PBRM1: variants seen among roughly 807,000 people sequenced by gnomAD.
The protein encoded by PBRM1 is polybromo 1, also known as protein polybromo-1.
Under a neutral mutation model 194.5 loss-of-function variants are expected in PBRM1, and 27 were observed. That is an observed-to-expected ratio of 0.14 (90% confidence interval 0.10 to 0.19). The LOEUF is 0.19. Ranked by LOEUF, PBRM1 falls within the 10% of genes least tolerant of loss-of-function variation. The probability of loss-of-function intolerance (pLI) is 1.00; values close to 1 mark genes in which losing one functional copy is unlikely to be tolerated. For synonymous variants in PBRM1, 655 were observed against 693.2 expected (o/e 0.94, Z 0.87); for missense variants, 1,466 against 2,077.2 (o/e 0.71, Z 5.72).
intron 15 of PBRM1, 24 bp downstream of exon 17, chr3:52,615,327 T>C: frequency 1.6e-6 from 2 of 1,248,056 alleles, no homozygotes; most frequent in Non-Finnish European, 2.4e-6. Context: ...CTAAACTAAA[T>C]AATGAAGTGT....
chr3:52,643,032 C>T (rs1319456057), intron 9 of PBRM1, among the ~76,000 whole-genome samples: 2 of 152,208 alleles, frequency 1.3e-5, no homozygotes, highest in Non-Finnish European at 2.9e-5. Context: ...AAGTGATTCA[C>T]CCGTATCAGC....
chr3:52,664,666 A>G (rs2096795151), intron 3 of PBRM1, among the ~76,000 whole-genome samples: 2 of 151,168 alleles, frequency 1.3e-5, no homozygotes, highest in Non-Finnish European at 3.0e-5. Flanking sequence ...CCCAGGAGGC[A>G]GAGGAAGCAG....
intron 17 of PBRM1, among the ~76,000 whole-genome samples, chr3:52,596,608 T>C (rs2093584024): frequency 1.3e-5 from 2 of 152,060 alleles, no homozygotes; most frequent in Admixed American, 1.3e-4. Context: ...CGTGTTCCCT[T>C]CTGGCTCAGG....
intron 7 of PBRM1, among the ~76,000 whole-genome samples, chr3:52,647,516 C>T (rs1336081173): frequency 2.5e-5 from 3 of 117,720 alleles, no homozygotes; most frequent in Admixed American, 9.6e-5. Flanking sequence ...CACATAAAAA[C>T]GTATATGTGA....
intron 7 of PBRM1, among the ~76,000 whole-genome samples, chr3:52,647,386 C>G (rs972968822): frequency 8.8e-5 from 11 of 124,900 alleles, no homozygotes; most frequent in African/African-American, 3.4e-4. Flanking sequence ...ATACAGTTAC[C>G]ACACATGGCC....
rs560634690 is a variant in PBRM1 at position 52,587,133 on chromosome 3, C to T, written c.3123+220G>A. Among the ~76,000 whole-genome samples, 17 of 152,144 alleles carry T rather than the reference C, an allele frequency of 1.1e-4. No individual in the cohort carries two copies. In the East Asian group the frequency reaches 3.3e-3, roughly 29 times the overall value. ...TAGCCTGGCAATATTAAAAACTTAA[C>T]CTAACTGCATTATAGCCAAATAGTG... On this transcript the variant is annotated intron_variant, in intron 19 of 29. Transcript: ENST00000296302.
At chr3:52,644,012 G>A (rs1463688877) in intron 8 of PBRM1, among the ~76,000 whole-genome samples, 3 of 151,548 alleles carry the variant, frequency 2.0e-5, no homozygotes, top group Non-Finnish European at 4.4e-5. Flanking sequence ...GAAAAGCCAG[G>A]ATGAGACTGG....
chr3:52,590,933 T>C (rs1312686854), intron 17 of PBRM1, among the ~76,000 whole-genome samples: 1 of 152,242 alleles, frequency 6.6e-6, no homozygotes, highest in Non-Finnish European at 1.5e-5. Flanking sequence ...TCATCTCTGA[T>C]TTCTTTGGGC....
chr3:52,552,465 G>A (rs1025329120), intron 27 of PBRM1, among the ~76,000 whole-genome samples: 1 of 152,120 alleles, frequency 6.6e-6, no homozygotes, highest in Non-Finnish European at 1.5e-5. Flanking sequence ...AAATAAAATA[G>A]ATATGGGGTT....
At chr3:52,550,614 C>T (rs1169795882) in exon 29 of PBRM1, 3 of 1,526,322 alleles carry the variant, frequency 2.0e-6, no homozygotes, top group Non-Finnish European at 2.6e-6. Context: ...GTGCCTGCTG[C>T]CCTGGAGGCC....
chr3:52,545,786 A>T (rs2079607801), downstream of PBRM1: 1 of 233,074 alleles, frequency 4.3e-6, no homozygotes, highest in Non-Finnish European at 8.5e-6. Context: ...TCTAAGCCAC[A>T]TTACTACAGT....
chr3:52,620,593 T>TTTAA (rs774897551), intron 13 of PBRM1, among the ~76,000 whole-genome samples: 18 of 152,196 alleles, frequency 1.2e-4, no homozygotes, highest in Non-Finnish European at 2.4e-4. Flanking sequence ...AGAGAAAGTT[T>TTTAA]TTAATTAAAT....
intron 25 of PBRM1, chr3:52,560,473 G>A (rs1054758109): frequency 1.3e-5 from 2 of 152,134 alleles, no homozygotes; most frequent in African/African-American, 2.4e-5. Context: ...GTATTCATAG[G>A]TACTACATAA....
rs569897756 is a variant in PBRM1, at chr3:52,604,099, C to T, written c.2568-367G>A. Among the ~76,000 whole-genome samples, 5 of 152,326 alleles carry T rather than the reference C, an allele frequency of 3.3e-5. No homozygotes were observed. The South Asian group carries it at 1.0e-3, about 32-fold the overall frequency. ...CTCCACAATATGTTCAACACTTACT[C>T]GTATCTATTCTTTGAATTTTTACTT... On this transcript the variant is annotated intron_variant, in intron 16 of 29. Coordinates refer to ENST00000296302, the Ensembl canonical transcript of PBRM1.
At chr3:52,607,610 G>T (rs1163416104) in intron 16 of PBRM1, among the ~76,000 whole-genome samples, 2 of 152,220 alleles carry the variant, frequency 1.3e-5, no homozygotes, top group Non-Finnish European at 2.9e-5. Flanking sequence ...AGGAGAGGAA[G>T]GGAGGGGTAT....
chr3:52,668,633 G>T, exon 3 of PBRM1: 2 of 1,565,564 alleles, frequency 1.3e-6, no homozygotes, highest in Non-Finnish European at 1.7e-6. Flanking sequence ...CTTCATAATA[G>T]TCTGGTTGAT....
At chr3:52,592,210 T>C (rs1418555272) in intron 17 of PBRM1, among the ~76,000 whole-genome samples, 2 of 150,914 alleles carry the variant, frequency 1.3e-5, no homozygotes, top group Non-Finnish European at 2.9e-5. Flanking sequence ...CTTGGCTCAC[T>C]GCAGTCTGCC....
At chr3:52,597,844 T>C (rs1324194404) in intron 17 of PBRM1, among the ~76,000 whole-genome samples, 2 of 152,056 alleles carry the variant, frequency 1.3e-5, no homozygotes, top group Non-Finnish European at 2.9e-5. Flanking sequence ...GCTGGGACTA[T>C]AGGCATGTAC....
chr3:52,593,860 T>TA (rs1374758779), intron 17 of PBRM1, among the ~76,000 whole-genome samples: 9 of 152,322 alleles, frequency 5.9e-5, no homozygotes, highest in East Asian at 1.9e-4. Flanking sequence ...TGGTTGATAT[T>TA]AGAGTATGTC....
Sources: gnomAD v4.1 joint callset for allele counts (sites outside exome capture counted in the v4.1 genomes callset) on GRCh38, gnomAD v4.1.1 for gene constraint, MANE v1.5 for transcripts, NCBI Gene and HGNC (gene_info 2026-07-23, HGNC 2026-07-21) for gene names.